The following ALS2 variants were observed in gnomAD, a reference collection of about 807,000 sequenced individuals.
ALS2 encodes alsin.
A neutral mutation model predicts 203.4 loss-of-function variants in ALS2; 117 were observed. The observed-to-expected ratio is 0.58, with a 90% confidence interval of 0.50 to 0.67. The LOEUF is 0.67. ALS2 is among the 30% of genes least tolerant of loss of function. The probability of loss-of-function intolerance (pLI) is 0.00; values close to 1 mark genes in which losing one functional copy is unlikely to be tolerated. For missense variants in ALS2, 1,715 were observed against 1,989.4 expected (o/e 0.86, Z 2.62); for synonymous variants, 718 against 725.9 (o/e 0.99, Z 0.17).
At position 201,706,830 on chromosome 2, in the gene ALS2, T is replaced by C. The variant is rs376820502; in HGVS notation, c.4580+16A>G. The C allele has an allele frequency of 6.2e-7, 1 of 1,613,612 alleles. No individual in the cohort carries two copies. The highest frequency in any genetic ancestry group is 8.5e-7 in the Non-Finnish European group (1 of 1,179,798). Reference sequence around the variant, plus strand: ...AATTAAAACCATTTGGTTGCGCTTGTAACTACTACACTTACCTCTGCACCC... The same window carrying C: ...AATTAAAACCATTTGGTTGCGCTTGCAACTACTACACTTACCTCTGCACCC... On this transcript the variant is annotated intron_variant, in intron 29 of 33. Coordinates refer to ENST00000264276, the MANE Select transcript of ALS2 (RefSeq NM_020919.4).
At chr2:201,741,469 T>C in intron 11 of ALS2, 1 of 568,546 alleles carries the variant, frequency 1.8e-6, no homozygotes, top group East Asian at 3.0e-5. Context: ...ACATGATAAT[T>C]CATTATTTTT....
chr2:201,772,850 A>ATTTTTTTTTTTTTTTTTTTTTTTT (rs578253808), intron 1 of ALS2, among the ~76,000 whole-genome samples: 3 of 108,846 alleles, frequency 2.8e-5, no homozygotes, highest in Non-Finnish European at 3.5e-5. Flanking sequence ...TGCTTTCATG[A>ATTTTTTTTTTTTTTTTTTTTTTTT]TTTTTTTTTT....
intron 13 of ALS2, among the ~76,000 whole-genome samples, chr2:201,730,467 T>A (rs771964505): frequency 9.2e-5 from 14 of 152,224 alleles, no homozygotes; most frequent in Non-Finnish European, 2.1e-4. Flanking sequence ...CAGATCCATC[T>A]CTAACATTCT....
intron 3 of ALS2, 135 bp from the exon 4 acceptor site, chr2:201,761,953 G>C (rs1693797307): frequency 5.2e-6 from 5 of 965,420 alleles, no homozygotes; most frequent in Non-Finnish European, 7.8e-6. Flanking sequence ...AGCAGTTGTA[G>C]AAATCTGGTT....
chr2:201,775,471 T>C lies in ALS2; in HGVS notation c.-61+5406A>G, dbSNP rs114209197. Reference sequence around the variant, plus strand: ...CATGGTAAATGCTTAATAAATAATTTGCTTTTAGAGGCTAGGTCAATGTTT... The same window carrying C: ...CATGGTAAATGCTTAATAAATAATTCGCTTTTAGAGGCTAGGTCAATGTTT... On this transcript the variant is annotated intron_variant, in intron 1 of 33. Transcript: ENST00000264276. Among the ~76,000 whole-genome samples the C allele has an allele frequency of 9.4e-3, 1,437 of 152,340 alleles. 10 individuals carry two copies. The highest frequency in any genetic ancestry group is 0.014 in the Non-Finnish European group (943 of 68,020).
chr2:201,716,319 G>A (rs1271973444), intron 24 of ALS2, among the ~76,000 whole-genome samples: 11 of 152,104 alleles, frequency 7.2e-5, no homozygotes, highest in Non-Finnish European at 1.5e-4. Flanking sequence ...CAAAGAGGGT[G>A]GATCGCCTGA....
At chr2:201,763,923 AT>A (rs993696105) in intron 3 of ALS2, among the ~76,000 whole-genome samples, 3 of 152,128 alleles carry the variant, frequency 2.0e-5, no homozygotes, top group African/African-American at 4.8e-5. Flanking sequence ...GAGATTTATG[AT>A]TTTTTTTAAT....
chr2:201,750,014 A>C (rs1692932870), intron 7 of ALS2, among the ~76,000 whole-genome samples: 1 of 152,122 alleles, frequency 6.6e-6, no homozygotes, highest in African/African-American at 2.4e-5. Context: ...CAGAGTCCAA[A>C]AATTAGCTGG....
At chr2:201,774,558 G>A (rs1225595212) in intron 1 of ALS2, among the ~76,000 whole-genome samples, 1 of 152,212 alleles carries the variant, frequency 6.6e-6, no homozygotes, top group Non-Finnish European at 1.5e-5. Context: ...ATGTGGTAGA[G>A]AAATGTGTTG....
intron 18 of ALS2, 51 bp downstream of exon 18, chr2:201,726,613 T>C (rs749077063): frequency 9.9e-6 from 16 of 1,609,046 alleles, no homozygotes; most frequent in Non-Finnish European, 1.3e-5. Context: ...ATACTTTTTC[T>C]ATCATGTGAT....
chr2:201,732,981 T>C (rs1209478781), intron 13 of ALS2, among the ~76,000 whole-genome samples: 2 of 152,190 alleles, frequency 1.3e-5, no homozygotes, highest in Admixed American at 1.3e-4. Flanking sequence ...TCCAATAAAT[T>C]TTGACAACTA....
At chr2:201,715,624 T>G in intron 25 of ALS2, 48 bp downstream of exon 25, 2 of 1,606,922 alleles carry the variant, frequency 1.2e-6, no homozygotes, top group Non-Finnish European at 1.7e-6. Flanking sequence ...GTCTTAAGTT[T>G]CATCTTCCTA....
intron 12 of ALS2, among the ~76,000 whole-genome samples, chr2:201,734,122 C>T (rs1426781638): frequency 3.3e-5 from 5 of 152,014 alleles, no homozygotes; most frequent in Non-Finnish European, 7.4e-5. Flanking sequence ...AATTTTAATG[C>T]TGATCAATAA....
At position 201,727,768 on chromosome 2, in the gene ALS2, G is replaced by A. The variant is rs998799740; in HGVS notation, c.2849C>T (p.Thr950Met). The A allele has an allele frequency of 7.1e-6, 11 of 1,551,544 alleles. No homozygotes were observed. Among genetic ancestry groups the A allele is most frequent in the East Asian group, 2.4e-5 (1 of 40,932 alleles). ...NDALVHAQFS[T>M]HHVFPLATLW... The stretch of plus-strand genomic sequence containing the variant: ...CGTGGCCAGAGGGAAAACATGGTGC[G>A]TGGAGAACTGAAACAGAGAACACGG... The change falls in exon 16 of 34, where the codon ACG becomes ATG. Residue 950 changes from threonine (T) to methionine (M), a missense_variant. Physicochemically the swap from Thr to Met is moderately conservative, Grantham distance 81. Coordinates refer to ENST00000264276, the MANE Select transcript of ALS2 (RefSeq NM_020919.4).
chr2:201,707,559 A>T (rs2105968669), intron 28 of ALS2, among the ~76,000 whole-genome samples: 1 of 151,900 alleles, frequency 6.6e-6, no homozygotes, highest in South Asian at 2.1e-4. Context: ...CCTCCCACGT[A>T]GCTGAACCCG....
intron 23 of ALS2, among the ~76,000 whole-genome samples, chr2:201,720,484 C>T (rs13383803): frequency 7.4e-6 from 1 of 134,834 alleles, no homozygotes; most frequent in Admixed American, 8.8e-5. Flanking sequence ...GGGTGGATTG[C>T]TTGAGCTCAG....
At chr2:201,725,584 A>G (rs1484346012) in intron 19 of ALS2, 130 bp from the exon 20 acceptor site, 3 of 823,590 alleles carry the variant, frequency 3.6e-6, no homozygotes, top group Admixed American at 3.6e-5. Flanking sequence ...TAAAGGGTTA[A>G]AACAGCATCT....
At chr2:201,709,672 A>G (rs950598116) in intron 27 of ALS2, among the ~76,000 whole-genome samples, 27 of 152,230 alleles carry the variant, frequency 1.8e-4, no homozygotes, top group Admixed American at 2.0e-4. Flanking sequence ...GCTTTACTTA[A>G]TAAGACATAA....
intron 3 of ALS2, among the ~76,000 whole-genome samples, chr2:201,764,855 T>C (rs1362266814): frequency 6.6e-6 from 1 of 152,178 alleles, no homozygotes; most frequent in East Asian, 1.9e-4. Context: ...ACGTTTTCTT[T>C]TGGTAACTGT....
Sources: allele counts gnomAD v4.1 joint callset (sites outside exome capture counted in the v4.1 genomes callset), GRCh38; gene constraint gnomAD v4.1.1; transcripts MANE v1.5; gene names NCBI Gene and HGNC (gene_info 2026-07-23, HGNC 2026-07-21).